Variants in PHACTR1 observed in about 807,000 individuals in gnomAD.
PHACTR1 encodes phosphatase and actin regulator 1, also known as RPEL repeat containing 1.
PHACTR1 carries 16 observed loss-of-function variants against 69.2 expected under a neutral mutation model. The ratio of observed to expected loss-of-function variants is 0.23; its 90% CI spans 0.16 to 0.35. The LOEUF is 0.35. PHACTR1 is among the 10% of genes least tolerant of loss of function. The pLI, the probability that PHACTR1 is intolerant of heterozygous loss-of-function variation, is 1.00. For synonymous variants in PHACTR1, 312 were observed against 284.5 expected, an observed-to-expected ratio of 1.10 and a Z score of -0.97; for missense variants, 510 against 734.7, an observed-to-expected ratio of 0.69 and a Z score of 3.54.
intron 4 of PHACTR1, among the ~76,000 whole-genome samples, chr6:12,923,645 A>G (rs1787956860): frequency 6.6e-6 from 1 of 152,166 alleles, no homozygotes; most frequent in Non-Finnish European, 1.5e-5. Flanking sequence ...TTACAAATGA[A>G]TCTCTTTCAG....
At chr6:13,210,567 T>G (rs1023092650) in intron 8 of PHACTR1, among the ~76,000 whole-genome samples, 1 of 152,204 alleles carries the variant, frequency 6.6e-6, no homozygotes, top group Non-Finnish European at 1.5e-5. Flanking sequence ...AGTTTGAGTC[T>G]TAGACACACC....
rs10664160 is a variant in PHACTR1, at chr6:13,073,331, A to ATTTTTTTTT, written c.415+19824_415+19832dup. ...ATTCCTTCAACCAATCATTCCATGAATTTTTTTTTTTTTTTTTTTTTTTTT... is the reference window on the plus strand; with the variant it reads ...ATTCCTTCAACCAATCATTCCATGAATTTTTTTTTTTTTTTTTTTTTTTTTTTTTTTTTT... On this transcript the variant is annotated intron_variant, in intron 5 of 14. Transcript: ENST00000332995. Among the ~76,000 whole-genome samples, 73 of 65,694 alleles carry ATTTTTTTTT rather than the reference A, an allele frequency of 1.1e-3. 12 individuals carry two copies. The highest frequency in any genetic ancestry group is 2.4e-3 in the African/African-American group (36 of 14,716). 43.1% of individuals were successfully genotyped at this position (65,694 alleles called of 152,430 possible).
At chr6:13,241,725 T>C (rs1242470558) in intron 10 of PHACTR1, among the ~76,000 whole-genome samples, 8 of 152,014 alleles carry the variant, frequency 5.3e-5, no homozygotes. Flanking sequence ...TCGACTCTTA[T>C]TAGAAAAAGT....
intron 4 of PHACTR1, among the ~76,000 whole-genome samples, chr6:12,892,813 A>G (rs754313281): frequency 6.6e-6 from 1 of 152,248 alleles, no homozygotes; most frequent in Non-Finnish European, 1.5e-5. Flanking sequence ...CATGGAAACT[A>G]TTATCTCTGA....
At chr6:13,277,640 C>CCT (rs1293011736) in intron 11 of PHACTR1, among the ~76,000 whole-genome samples, 1 of 152,148 alleles carries the variant, frequency 6.6e-6, no homozygotes, top group Non-Finnish European at 1.5e-5. Flanking sequence ...TGTGTGTCCC[C>CCT]GTGTCAACAT....
At chr6:13,261,412 A>G (rs1360625244) in intron 10 of PHACTR1, among the ~76,000 whole-genome samples, 1 of 152,250 alleles carries the variant, frequency 6.6e-6, no homozygotes, top group Non-Finnish European at 1.5e-5. Flanking sequence ...AAGCATCTCC[A>G]GTTACCAGAC....
At chr6:13,126,100 G>T (rs1225510477) in intron 5 of PHACTR1, among the ~76,000 whole-genome samples, 1 of 151,896 alleles carries the variant, frequency 6.6e-6, no homozygotes, top group Non-Finnish European at 1.5e-5. Context: ...TTTCCTTCTC[G>T]GGACTCAGAC....
chr6:12,763,081 C>T (rs1324774855), intron 4 of PHACTR1, among the ~76,000 whole-genome samples: 5 of 152,086 alleles, frequency 3.3e-5, no homozygotes, highest in Non-Finnish European at 5.9e-5. Flanking sequence ...GACGTGGTGG[C>T]GCATGCCTGT....
intron 5 of PHACTR1, among the ~76,000 whole-genome samples, chr6:13,091,220 A>C (rs1813231181): frequency 6.6e-6 from 1 of 152,054 alleles, no homozygotes; most frequent in Non-Finnish European, 1.5e-5. Context: ...GCTGGTCTTG[A>C]ATTCCTGACC....
At chr6:12,762,330 A>G (rs962969156) in intron 4 of PHACTR1, among the ~76,000 whole-genome samples, 12 of 152,310 alleles carry the variant, frequency 7.9e-5, no homozygotes, top group African/African-American at 2.6e-4. Flanking sequence ...GCTGTGACGG[A>G]TAATGCAGAC....
intron 4 of PHACTR1, among the ~76,000 whole-genome samples, chr6:12,941,090 AT>A (rs1790009549): frequency 6.6e-6 from 1 of 152,122 alleles, no homozygotes; most frequent in African/African-American, 2.4e-5. Context: ...CATATGAGCA[AT>A]CCTTTTCTAC....
intron 4 of PHACTR1, among the ~76,000 whole-genome samples, chr6:12,865,093 A>G (rs972228448): frequency 6.6e-6 from 1 of 152,072 alleles, no homozygotes; most frequent in African/African-American, 2.4e-5. Context: ...TCCTGGGACT[A>G]CCCCAACTTT....
At chr6:12,749,613 C>A (rs765998125) in intron 3 of PHACTR1, 31 bp from the exon 4 acceptor site, 1 of 1,459,526 alleles carries the variant, frequency 6.9e-7, no homozygotes. Flanking sequence ...CCGCCTCTCT[C>A]CCTCTCCCTC....
intron 4 of PHACTR1, among the ~76,000 whole-genome samples, chr6:12,782,793 G>A (rs576705284): frequency 4.6e-5 from 7 of 152,266 alleles, no homozygotes; most frequent in African/African-American, 1.4e-4. Context: ...CCCTGATTAC[G>A]GGAAATGAGG....
intron 10 of PHACTR1, among the ~76,000 whole-genome samples, chr6:13,247,537 G>A (rs532138143): frequency 2.0e-5 from 3 of 152,120 alleles, no homozygotes; most frequent in East Asian, 3.9e-4. Context: ...GTAGACACGG[G>A]GTTTTACCAC....
At chr6:12,897,533 C>T (rs1395698375) in intron 4 of PHACTR1, among the ~76,000 whole-genome samples, 2 of 152,116 alleles carry the variant, frequency 1.3e-5, no homozygotes, top group Non-Finnish European at 2.9e-5. Context: ...CCCTAACTCC[C>T]CCTACTCTGG....
intron 4 of PHACTR1, among the ~76,000 whole-genome samples, chr6:12,880,067 A>G (rs1782930672): frequency 6.6e-6 from 1 of 152,186 alleles, no homozygotes; most frequent in South Asian, 2.1e-4. Flanking sequence ...GCTTATGTGC[A>G]TGCATTCACC....
chr6:13,167,499 G>A (rs1759978538), intron 6 of PHACTR1, among the ~76,000 whole-genome samples: 1 of 152,166 alleles, frequency 6.6e-6, no homozygotes, highest in African/African-American at 2.4e-5. Flanking sequence ...CCTAAATGTG[G>A]CAGCCTGCCG....
intron 5 of PHACTR1, among the ~76,000 whole-genome samples, chr6:13,144,521 T>C (rs898444127): frequency 2.0e-5 from 3 of 152,150 alleles, no homozygotes; most frequent in South Asian, 4.1e-4. Context: ...ATGCCAGTCC[T>C]CCCTAAATTG....
Sources: gnomAD v4.1 joint callset for allele counts (sites outside exome capture counted in the v4.1 genomes callset) on GRCh38, gnomAD v4.1.1 for gene constraint, MANE v1.5 for transcripts, NCBI Gene and HGNC (gene_info 2026-07-23, HGNC 2026-07-21) for gene names.